PTPRD: variants seen among roughly 807,000 people sequenced by gnomAD.
PTPRD encodes receptor-type tyrosine-protein phosphatase delta.
In PTPRD, 34 loss-of-function variants were observed where a neutral mutation model predicts 214.5. The ratio of observed to expected loss-of-function variants is 0.16; its 90% CI spans 0.12 to 0.21. The LOEUF (loss-of-function observed/expected upper bound fraction) is 0.21. Among genes scored for constraint, PTPRD ranks in the 10% least tolerant of loss-of-function variants. The pLI is 1.00. For synonymous variants in PTPRD, 1,128 were observed against 845.7 expected (o/e 1.33, Z -5.79); for missense variants, 2,545 against 2,398.7 (o/e 1.06, Z -1.27).
chr9:9,445,004 T>C (rs1467790), intron 8 of PTPRD, among the ~76,000 whole-genome samples: 76,061 of 151,988 alleles, frequency 0.5, 19,273 homozygotes, highest in East Asian at 0.68. Context: ...TTTTAAATTA[T>C]TTCTTGATCA....
chr9:8,547,160 G>T (rs897416989), intron 14 of PTPRD, among the ~76,000 whole-genome samples: 18 of 152,116 alleles, frequency 1.2e-4, no homozygotes, highest in African/African-American at 4.1e-4. Flanking sequence ...CAAAAGTGAT[G>T]ATCTGAAAGA....
chr9:10,138,950 G>A (rs2098962119), intron 3 of PTPRD, among the ~76,000 whole-genome samples: 1 of 151,838 alleles, frequency 6.6e-6, no homozygotes, highest in Non-Finnish European at 1.5e-5. Context: ...CACACCAAAT[G>A]GGCAAAACTG....
At chr9:9,753,196 TG>T (rs1218821062) in intron 6 of PTPRD, among the ~76,000 whole-genome samples, 3 of 152,204 alleles carry the variant, frequency 2.0e-5, no homozygotes, top group African/African-American at 7.2e-5. Flanking sequence ...ACATCACTAC[TG>T]TAATTGAGGG....
intron 9 of PTPRD, among the ~76,000 whole-genome samples, chr9:9,214,326 G>A (rs931376709): frequency 6.6e-6 from 1 of 152,172 alleles, no homozygotes; most frequent in Non-Finnish European, 1.5e-5. Flanking sequence ...AATAGCAAAT[G>A]CAAAAACAAA....
chr9:9,169,392 C>T (rs2099910252), intron 10 of PTPRD, among the ~76,000 whole-genome samples: 4 of 151,934 alleles, frequency 2.6e-5, no homozygotes, highest in Admixed American at 6.6e-5. Context: ...AATGAATAGA[C>T]GGTAAGTATT....
intron 5 of PTPRD, among the ~76,000 whole-genome samples, chr9:9,932,478 C>T (rs1170108069): frequency 7.1e-6 from 1 of 140,444 alleles, no homozygotes; most frequent in African/African-American, 2.8e-5. Context: ...AGGGTATCAG[C>T]AATGGAAGAT....
chr9:9,048,432 T>C (rs1406948559), intron 10 of PTPRD, among the ~76,000 whole-genome samples: 1 of 152,028 alleles, frequency 6.6e-6, no homozygotes, highest in Non-Finnish European at 1.5e-5. Flanking sequence ...GATGGATAAA[T>C]AAAATGTAAG....
chr9:10,491,596 T>C (rs920461747), intron 2 of PTPRD, among the ~76,000 whole-genome samples: 13 of 151,996 alleles, frequency 8.6e-5, no homozygotes, highest in African/African-American at 2.9e-4. Flanking sequence ...TATTTCCACA[T>C]AGATGATTTA....
At chr9:10,345,934 G>C (rs2097070512) in intron 2 of PTPRD, among the ~76,000 whole-genome samples, 1 of 152,030 alleles carries the variant, frequency 6.6e-6, no homozygotes, top group Non-Finnish European at 1.5e-5. Context: ...GTTGTTTCCT[G>C]ACTTTTTAAT....
Position 10,196,732 on chromosome 9 carries a change from C to A in PTPRD, c.-545+144231G>T, listed in dbSNP as rs556785944. Among the ~76,000 whole-genome samples the A allele has an allele frequency of 3.9e-5, 6 of 152,204 alleles. No homozygotes were observed. In the East Asian group the frequency reaches 1.2e-3, roughly 29 times the overall value. The stretch of plus-strand genomic sequence containing the variant: ...TTAAAATATACATAAAACAAACAAA[C>A]ATAGTGCAGTGGACTGAATGTTTGC... On this transcript the variant is annotated intron_variant, in intron 3 of 45. Coordinates refer to ENST00000381196, the MANE Select transcript of PTPRD (RefSeq NM_002839.4).
chr9:9,943,923 A>C (rs987127990), intron 4 of PTPRD, among the ~76,000 whole-genome samples: 1 of 152,100 alleles, frequency 6.6e-6, no homozygotes, highest in Admixed American at 6.6e-5. Context: ...CTCCTTCACC[A>C]ATGTCTCACT....
At chr9:9,837,809 G>A (rs1565649824) in intron 5 of PTPRD, among the ~76,000 whole-genome samples, 1 of 151,994 alleles carries the variant, frequency 6.6e-6, no homozygotes, top group Non-Finnish European at 1.5e-5. Context: ...GGGTACATGT[G>A]CACAATGTGC....
intron 10 of PTPRD, among the ~76,000 whole-genome samples, chr9:9,182,979 T>A (rs942155176): frequency 1.3e-5 from 2 of 151,964 alleles, no homozygotes; most frequent in African/African-American, 4.8e-5. Flanking sequence ...TTTAAATCTA[T>A]AAGCATCTGC....
intron 4 of PTPRD, among the ~76,000 whole-genome samples, chr9:10,016,380 G>T (rs2096714339): frequency 7.5e-6 from 1 of 133,578 alleles, no homozygotes; most frequent in South Asian, 2.5e-4. Context: ...TAGATAGATA[G>T]ATAGATAGAT....
chr9:9,006,916 G>A (rs2099473259), intron 11 of PTPRD, among the ~76,000 whole-genome samples: 1 of 151,948 alleles, frequency 6.6e-6, no homozygotes, highest in South Asian at 2.1e-4. Flanking sequence ...CTAGATAAAT[G>A]TAGACAGTAA....
At chr9:8,908,818 C>CTT (rs2098726321) in intron 11 of PTPRD, among the ~76,000 whole-genome samples, 1 of 151,034 alleles carries the variant, frequency 6.6e-6, no homozygotes. Context: ...ACTGATAAAC[C>CTT]TTTAACTCGA....
intron 4 of PTPRD, among the ~76,000 whole-genome samples, chr9:9,995,659 T>C (rs1464210444): frequency 6.6e-6 from 1 of 152,132 alleles, no homozygotes; most frequent in East Asian, 1.9e-4. Flanking sequence ...TAGAAGTAAC[T>C]CCCTGCTGTT....
At chr9:9,661,865 CCAGATATTAAA>C (rs1296141959) in intron 7 of PTPRD, among the ~76,000 whole-genome samples, 2 of 151,514 alleles carry the variant, frequency 1.3e-5, no homozygotes, top group East Asian at 3.9e-4. Context: ...TTGTTTCAGC[CCAGATATTAAA>C]CAGTTAAGTT....
At chr9:8,694,543 G>C (rs772946741) in intron 12 of PTPRD, among the ~76,000 whole-genome samples, 1 of 152,094 alleles carries the variant, frequency 6.6e-6, no homozygotes. Flanking sequence ...ATCTAAACAT[G>C]CTCACCAGCA....
Sources: allele counts gnomAD v4.1 joint callset (sites outside exome capture counted in the v4.1 genomes callset), GRCh38; gene constraint gnomAD v4.1.1; transcripts MANE v1.5; gene names NCBI Gene and HGNC (gene_info 2026-07-23, HGNC 2026-07-21).